Variants in CPAMD8 observed in about 807,000 individuals in gnomAD.
The protein encoded by CPAMD8 is C3 and PZP-like alpha-2-macroglobulin domain-containing protein 8.
Under a neutral mutation model 224.7 loss-of-function variants are expected in CPAMD8, and 146 were observed. The ratio of observed to expected loss-of-function variants is 0.65; its 90% CI spans 0.57 to 0.75. The LOEUF is 0.75. Ranked by LOEUF, CPAMD8 falls within the 30% of genes least tolerant of loss-of-function variation. CPAMD8 has a pLI of 0.00. For missense variants in CPAMD8, 2,301 were observed against 2,537.5 expected (o/e 0.91, Z 2.00); for synonymous variants, 966 against 1,044.6 (o/e 0.92, Z 1.45).
At chr19:16,900,599 T>G (rs533361179) in intron 36 of CPAMD8, among the ~76,000 whole-genome samples, 1 of 150,252 alleles carries the variant, frequency 6.7e-6, no homozygotes, top group Admixed American at 6.6e-5. Flanking sequence ...CCATCTCAAA[T>G]AATAATAATA....
intron 29 of CPAMD8, among the ~76,000 whole-genome samples, chr19:16,908,429 A>C (rs952039294): frequency 2.0e-5 from 3 of 151,578 alleles, no homozygotes; most frequent in Non-Finnish European, 4.4e-5. Flanking sequence ...GGCCCTCCCC[A>C]GCCTCCAGGC....
intron 15 of CPAMD8, among the ~76,000 whole-genome samples, chr19:16,977,009 T>A (rs995810343): frequency 2.6e-5 from 4 of 152,094 alleles, no homozygotes; most frequent in Non-Finnish European, 2.9e-5. Flanking sequence ...GCCACTGCAC[T>A]CCAGCCTGGG....
intron 20 of CPAMD8, among the ~76,000 whole-genome samples, chr19:16,948,142 C>A (rs1458891108): frequency 6.6e-6 from 1 of 152,198 alleles, no homozygotes; most frequent in African/African-American, 2.4e-5. Flanking sequence ...AAGAGGAAAT[C>A]TTTGCTCCAC....
chr19:16,908,374 AAAT>A (rs2052603559), intron 29 of CPAMD8, among the ~76,000 whole-genome samples: 1 of 151,410 alleles, frequency 6.6e-6, no homozygotes. Flanking sequence ...AAAAAAAAAA[AAAT>A]AATAGAAATA....
chr19:17,012,058 C>T (rs996404983), intron 3 of CPAMD8, among the ~76,000 whole-genome samples: 2 of 151,746 alleles, frequency 1.3e-5, no homozygotes, highest in African/African-American at 2.4e-5. Flanking sequence ...CTTACTCTGT[C>T]GCCCAGGCTG....
intron 20 of CPAMD8, among the ~76,000 whole-genome samples, chr19:16,950,456 ATCT>A (rs777738100): frequency 4.6e-5 from 7 of 151,930 alleles, no homozygotes; most frequent in Non-Finnish European, 8.8e-5. Flanking sequence ...GCATGACGGG[ATCT>A]TCTGATACTG....
At chr19:17,003,463 G>T (rs994087816) in intron 8 of CPAMD8, among the ~76,000 whole-genome samples, 5 of 151,704 alleles carry the variant, frequency 3.3e-5, no homozygotes, top group Non-Finnish European at 4.4e-5. Context: ...TTCCCAAAGT[G>T]TTGGGATTAC....
chr19:16,970,025 G>C (rs973219716), intron 18 of CPAMD8, among the ~76,000 whole-genome samples: 2 of 150,430 alleles, frequency 1.3e-5, no homozygotes, highest in Admixed American at 6.6e-5. Flanking sequence ...ACAAGGTCAG[G>C]AGATCGAGAC....
At chr19:16,893,632 G>T in intron 41 of CPAMD8, 1 of 324,358 alleles carries the variant, frequency 3.1e-6, no homozygotes. Context: ...TGGTACTGGT[G>T]GCAGGCAGCT....
At chr19:17,001,256 G>A (rs1357477996) in intron 9 of CPAMD8, among the ~76,000 whole-genome samples, 2 of 142,502 alleles carry the variant, frequency 1.4e-5, no homozygotes, top group South Asian at 2.3e-4. Context: ...CCGGTAGGCA[G>A]AGGTTGCAGA....
At chr19:17,001,453 G>A (rs2056318379) in intron 9 of CPAMD8, among the ~76,000 whole-genome samples, 1 of 87,654 alleles carries the variant, frequency 1.1e-5, no homozygotes, top group Admixed American at 9.5e-5. Flanking sequence ...ACATGGTGGG[G>A]TTGGGAGGGT....
At chr19:16,979,368 A>G (rs1234114523) in intron 14 of CPAMD8, among the ~76,000 whole-genome samples, 1 of 142,630 alleles carries the variant, frequency 7.0e-6, no homozygotes, top group African/African-American at 2.8e-5. Flanking sequence ...CCATCTGTCC[A>G]TCCATCCATC....
At chr19:16,922,908 T>A (rs1218991703) in intron 26 of CPAMD8, among the ~76,000 whole-genome samples, 1 of 152,200 alleles carries the variant, frequency 6.6e-6, no homozygotes, top group Non-Finnish European at 1.5e-5. Context: ...TCCAACTCAT[T>A]CATCTTGTTT....
intron 20 of CPAMD8, among the ~76,000 whole-genome samples, chr19:16,948,303 A>G (rs2054172874): frequency 6.6e-6 from 1 of 152,158 alleles, no homozygotes; most frequent in Non-Finnish European, 1.5e-5. Flanking sequence ...TGATGTGGAG[A>G]GAAGCATGCG....
At chr19:17,026,213 T>TC (rs2057077739) in intron 1 of CPAMD8, among the ~76,000 whole-genome samples, 1 of 152,074 alleles carries the variant, frequency 6.6e-6, no homozygotes, top group South Asian at 2.1e-4. Flanking sequence ...CGCACTCTCC[T>TC]CCCACTTCTC....
At position 16,929,322 on chromosome 19, in the gene CPAMD8, C is replaced by T. The variant is rs994188280; in HGVS notation, c.2846-82G>A. ...CCCTGATGGTACCTGGAGGTGAGCACCAGGACCACAAGGAGTGGGTCTCAC... is the reference window on the plus strand; with the variant it reads ...CCCTGATGGTACCTGGAGGTGAGCATCAGGACCACAAGGAGTGGGTCTCAC... On this transcript the variant is annotated intron_variant, in intron 23 of 41. Transcript: ENST00000443236. 286 of 1,166,838 alleles carry T rather than the reference C, an allele frequency of 2.5e-4. 3 individuals are homozygous for T. The East Asian group carries it at 6.6e-3, about 27-fold the overall frequency. 72.3% of individuals were successfully genotyped at this position (1,166,838 alleles called of 1,614,324 possible). A position where few individuals can be genotyped will look rare whatever the true frequency, so the allele number is the denominator to read the frequency against.
rs1163890371 is a variant in CPAMD8, at chr19:17,001,336, A to C, written c.759-814T>G. ...ACTCCGTCTGAAAAAAAAAAAAAAA[A>C]AAAAAAAACAAGGATCAACCCCTCT... On this transcript the variant is annotated intron_variant, in intron 9 of 41. Coordinates refer to ENST00000443236, the MANE Select transcript of CPAMD8 (RefSeq NM_015692.5). 4.6e-5 allele frequency among the ~76,000 whole-genome samples: 7 copies of C among 150,766 alleles called. No homozygotes were observed. In the East Asian group the frequency reaches 5.8e-4, roughly 13 times the overall value.
intron 13 of CPAMD8, among the ~76,000 whole-genome samples, chr19:16,986,689 G>A (rs1325231542): frequency 2.6e-5 from 4 of 152,182 alleles, no homozygotes; most frequent in African/African-American, 9.6e-5. Flanking sequence ...GGCTGGTAGG[G>A]CCCTGGGCGC....
chr19:16,944,227 T>A (rs2053997944), intron 22 of CPAMD8, among the ~76,000 whole-genome samples: 1 of 152,234 alleles, frequency 6.6e-6, no homozygotes, highest in Non-Finnish European at 1.5e-5. Flanking sequence ...TGCTGCTTTA[T>A]CAAGCCACAC....
Sources: allele counts gnomAD v4.1 joint callset (sites outside exome capture counted in the v4.1 genomes callset), GRCh38; gene constraint gnomAD v4.1.1; transcripts MANE v1.5; gene names NCBI Gene and HGNC (gene_info 2026-07-23, HGNC 2026-07-21).